Variants in NXPE4 observed in about 807,000 individuals in gnomAD.
The protein encoded by NXPE4 is neurexophilin and PC-esterase domain family member 4, also known as NXPE family member 4.
A neutral mutation model predicts 33.3 loss-of-function variants in NXPE4; 42 were observed. That is an observed-to-expected ratio of 1.26 (90% CI 0.98 to 1.63). The LOEUF is 1.63. Among genes scored for constraint, NXPE4 ranks in the 40% most tolerant of loss-of-function variants. The pLI is 0.00. For missense variants in NXPE4, 709 were observed against 647.6 expected, an observed-to-expected ratio of 1.09 and a Z score of -1.03; for synonymous variants, 253 against 234.9, an observed-to-expected ratio of 1.08 and a Z score of -0.71.
the NXPE4 span, among the ~76,000 whole-genome samples, chr11:114,616,527 G>A: frequency 4.0e-5 from 6 of 151,546 alleles, no homozygotes; most frequent in East Asian, 1.2e-3. Context: ...TTGTCTGGTG[G>A]GTAACCATTG....
the NXPE4 span, among the ~76,000 whole-genome samples, chr11:114,676,201 T>G: frequency 6.6e-6 from 1 of 151,748 alleles, no homozygotes; most frequent in Admixed American, 6.6e-5. Flanking sequence ...GTCACTGAGG[T>G]TTTTTTGATA....
At chr11:114,620,297 C>T in the NXPE4 span, among the ~76,000 whole-genome samples, 4 of 152,024 alleles carry the variant, frequency 2.6e-5, no homozygotes, top group South Asian at 4.1e-4. Flanking sequence ...AGTAATGCCT[C>T]GTGGGTAACC....
chr11:114,596,385 T>A (rs1233337480), upstream of NXPE4, among the ~76,000 whole-genome samples: 2 of 152,184 alleles, frequency 1.3e-5, no homozygotes, highest in Non-Finnish European at 2.9e-5. Flanking sequence ...CTGCTGGCCC[T>A]GTGGCTCCGT....
the NXPE4 span, among the ~76,000 whole-genome samples, chr11:114,645,276 G>C: frequency 1.3e-5 from 2 of 152,192 alleles, no homozygotes; most frequent in South Asian, 4.2e-4. Context: ...ACTCCAGCCT[G>C]GGTGACAGAG....
chr11:114,616,616 C>A, the NXPE4 span, among the ~76,000 whole-genome samples: 1 of 139,956 alleles, frequency 7.1e-6, no homozygotes, highest in Non-Finnish European at 1.6e-5. Context: ...TCATGGGTAA[C>A]CACAGTTACC....
chr11:114,577,926 C>T (rs1235469838), intron 5 of NXPE4, among the ~76,000 whole-genome samples: 1 of 152,064 alleles, frequency 6.6e-6, no homozygotes, highest in African/African-American at 2.4e-5. Flanking sequence ...TTTGTGGAAC[C>T]CTTTACGATA....
At chr11:114,646,764 C>A in the NXPE4 span, among the ~76,000 whole-genome samples, 1 of 152,032 alleles carries the variant, frequency 6.6e-6, no homozygotes, top group Non-Finnish European at 1.5e-5. Context: ...TGTCTTTTCT[C>A]ATTAAAGAGT....
chr11:114,601,884 T>TA, the NXPE4 span, among the ~76,000 whole-genome samples: 38 of 15,802 alleles, frequency 2.4e-3, 1 homozygote, highest in Middle Eastern at 0.17. Context: ...TTATATATAA[T>TA]TATATATTAT....
the NXPE4 span, among the ~76,000 whole-genome samples, chr11:114,631,170 T>G: frequency 2.0e-5 from 3 of 152,168 alleles, no homozygotes; most frequent in East Asian, 5.8e-4. Flanking sequence ...ATCCCATTAC[T>G]GGGTATATAC....
intron 4 of NXPE4, among the ~76,000 whole-genome samples, chr11:114,580,588 A>G (rs1565331631): frequency 6.6e-6 from 1 of 152,128 alleles, no homozygotes; most frequent in South Asian, 2.1e-4. Context: ...CAGAAAAAAA[A>G]TGGCTTTCTG....
At chr11:114,594,362 A>T (rs1389773369) in intron 2 of NXPE4, among the ~76,000 whole-genome samples, 1 of 152,178 alleles carries the variant, frequency 6.6e-6, no homozygotes, top group Non-Finnish European at 1.5e-5. Context: ...GAAAACCAAA[A>T]ATATAGATAT....
intron 5 of NXPE4, among the ~76,000 whole-genome samples, chr11:114,574,074 A>G (rs188917981): frequency 1.2e-3 from 181 of 152,250 alleles, no homozygotes; most frequent in African/African-American, 3.7e-3. Flanking sequence ...AAAACCATGC[A>G]AATACATGGA....
chr11:114,571,974 A>G (rs778162486), intron 5 of NXPE4, among the ~76,000 whole-genome samples: 1 of 152,116 alleles, frequency 6.6e-6, no homozygotes, highest in East Asian at 1.9e-4. Flanking sequence ...CAAAAACACA[A>G]CCAAAGACCC....
the NXPE4 span, among the ~76,000 whole-genome samples, chr11:114,601,979 A>G: frequency 1.3e-5 from 1 of 76,408 alleles, no homozygotes; most frequent in Non-Finnish European, 2.3e-5. Flanking sequence ...ATATTCTGTT[A>G]TATATAATAT....
chr11:114,665,899 AGTT>A, the NXPE4 span, among the ~76,000 whole-genome samples: 1 of 152,156 alleles, frequency 6.6e-6, no homozygotes, highest in South Asian at 2.1e-4. Context: ...GCACTAAAAT[AGTT>A]GTCTCCATGA....
At chr11:114,662,993 T>C in the NXPE4 span, among the ~76,000 whole-genome samples, 1 of 152,248 alleles carries the variant, frequency 6.6e-6, no homozygotes, top group African/African-American at 2.4e-5. Flanking sequence ...ACAAGCAGCC[T>C]CTTGAGGTCC....
chr11:114,606,937 C>T, the NXPE4 span, among the ~76,000 whole-genome samples: 5 of 151,864 alleles, frequency 3.3e-5, no homozygotes, highest in Non-Finnish European at 5.9e-5. Context: ...TCATGGGTAA[C>T]CACTGTTATC....
chr11:114,615,840 A>T, the NXPE4 span, among the ~76,000 whole-genome samples: 4 of 151,710 alleles, frequency 2.6e-5, no homozygotes, highest in African/African-American at 9.7e-5. Flanking sequence ...CCCTGTGGAT[A>T]ATAAGAGATG....
the NXPE4 span, among the ~76,000 whole-genome samples, chr11:114,618,768 G>A: frequency 4.0e-5 from 6 of 151,208 alleles, no homozygotes; most frequent in African/African-American, 1.2e-4. Flanking sequence ...ACTGTTATCT[G>A]GTGGATAAAA....
Sources: allele counts gnomAD v4.1 joint callset (sites outside exome capture counted in the v4.1 genomes callset), GRCh38; gene constraint gnomAD v4.1.1; transcripts MANE v1.5; gene names NCBI Gene and HGNC (gene_info 2026-07-23, HGNC 2026-07-21).